Variants in TECTB observed in about 807,000 individuals in gnomAD.
TECTB encodes the protein beta-tectorin.
Under a neutral mutation model 43.3 loss-of-function variants are expected in TECTB, and 45 were observed. The ratio of observed to expected loss-of-function variants is 1.04; its 90% CI spans 0.82 to 1.33. The LOEUF is 1.33. Ranked by LOEUF, TECTB falls within the 40% of genes most tolerant of loss-of-function variation. The probability of loss-of-function intolerance (pLI) is 0.00; values close to 1 mark genes in which losing one functional copy is unlikely to be tolerated. For synonymous variants in TECTB, 169 were observed against 156.7 expected (o/e 1.08, Z -0.59); for missense variants, 399 against 404.7 (o/e 0.99, Z 0.12).
At chr10:112,283,517 C>T in intron 1 of TECTB, 21 bp downstream of exon 1, 1 of 539,242 alleles carries the variant, frequency 1.9e-6, no homozygotes, top group Non-Finnish European at 3.3e-6. Flanking sequence ...CACTTTTTGC[C>T]TCTCAGCGCT....
rs528436073 is a variant in TECTB, at chr10:112,288,043, C to T, written c.483+1652C>T. Among the ~76,000 whole-genome samples, 540 of 152,318 alleles carry T rather than the reference C, an allele frequency of 3.5e-3. 3 individuals are homozygous for T. Among genetic ancestry groups the T allele is most frequent in the African/African-American group, 0.013 (524 of 41,566 alleles). ...TGATGATAAGGTGGTGAAACCACTA[C>T]AGTCAGTGATGAAAGCCGTCCGGAG... On this transcript the variant is annotated intron_variant, in intron 5 of 10. Transcript: ENST00000646139.
At chr10:112,292,044 A>G (rs373252984) in intron 5 of TECTB, among the ~76,000 whole-genome samples, 1 of 152,100 alleles carries the variant, frequency 6.6e-6, no homozygotes, top group African/African-American at 2.4e-5. Context: ...GCTGAGGCAG[A>G]AGAATGGCGT....
In TECTB at chr10:112,299,569, GCGTCTCTGTTTTCCT is replaced by G; in HGVS notation, c.907+7_907+21del. ...TCGTGGAGCTCTCCCTGCGGAGTAA[GCGTCTCTGTTTTCCT>G]CTGTTTTCCAAACGGTTGAGTTCAC... is the stretch of plus-strand genomic sequence containing the variant. On this transcript the variant is annotated splice_donor_region_variant and intron_variant, in intron 9 of 10. Transcript: ENST00000646139. The G allele has an allele frequency of 6.4e-7, 1 of 1,556,534 alleles. No individual in the cohort carries two copies. Among genetic ancestry groups the G allele is most frequent in the Non-Finnish European group, 8.6e-7 (1 of 1,157,108 alleles).
intron 5 of TECTB, among the ~76,000 whole-genome samples, chr10:112,291,430 A>C (rs1462812459): frequency 6.6e-6 from 1 of 152,210 alleles, no homozygotes; most frequent in Non-Finnish European, 1.5e-5. Flanking sequence ...TATTACAAAG[A>C]CACATGCATG....
intron 5 of TECTB, among the ~76,000 whole-genome samples, chr10:112,290,193 C>T (rs1466476181): frequency 6.6e-6 from 1 of 152,232 alleles, no homozygotes; most frequent in African/African-American, 2.4e-5. Flanking sequence ...AGAATATCCA[C>T]ACTGTAGACA....
chr10:112,298,209 G>A lies in TECTB; in HGVS notation c.812G>A (p.Ser271Asn), dbSNP rs1848565939. The change falls in exon 8 of 11, where the codon AGT becomes AAT. Residue 271 changes from serine (S) to asparagine (N), a missense_variant. Physicochemically the swap from Ser to Asn is conservative, Grantham distance 46. Transcript: ENST00000646139. Reference protein sequence around the residue: ...WLHCETFICDSEKLSCPVTCD... With the variant: ...WLHCETFICDNEKLSCPVTCD... ...CACTGTGAGACGTTCATCTGCGACA[G>A]TGAGAAACTCTCCTGCCCAGTGGTG... 1 of 1,614,132 alleles carries A rather than the reference G, an allele frequency of 6.2e-7. No individual in the cohort carries two copies. The highest frequency in any genetic ancestry group is 8.5e-7 in the Non-Finnish European group (1 of 1,179,996).
chr10:112,294,738 C>G (rs1848530570), intron 7 of TECTB, among the ~76,000 whole-genome samples: 1 of 152,032 alleles, frequency 6.6e-6, no homozygotes, highest in Non-Finnish European at 1.5e-5. Context: ...AGCTATTGTG[C>G]AAGGGTGATA....
chr10:112,298,443 A>G (rs1028535335), intron 8 of TECTB, among the ~76,000 whole-genome samples: 1 of 152,214 alleles, frequency 6.6e-6, no homozygotes, highest in Non-Finnish European at 1.5e-5. Context: ...ATGGTCTGGC[A>G]TGTGTCGCCT....
chr10:112,299,345 G>T (rs1337192830), intron 8 of TECTB, 147 bp from the exon 9 acceptor site: 2 of 670,162 alleles, frequency 3.0e-6, no homozygotes, highest in East Asian at 2.7e-5. Flanking sequence ...TTTTTAAAAA[G>T]GTAACTCATC....
At chr10:112,295,316 C>T (rs34219545) in intron 7 of TECTB, among the ~76,000 whole-genome samples, 1,571 of 152,280 alleles carry the variant, frequency 0.01, 19 homozygotes, top group Non-Finnish European at 0.017. Context: ...TTACAATATA[C>T]CAAACATTGT....
intron 10 of TECTB, 30 bp from the exon 11 acceptor site, chr10:112,303,233 G>A: frequency 1.2e-6 from 2 of 1,613,822 alleles, no homozygotes; most frequent in Non-Finnish European, 1.7e-6. Flanking sequence ...CTGTCTCTGA[G>A]TGCCATCTCC....
At chr10:112,302,529 A>AC (rs1267014657) in intron 10 of TECTB, 8 of 405,376 alleles carry the variant, frequency 2.0e-5, no homozygotes, top group Non-Finnish European at 3.5e-5. Context: ...CAATGACCTC[A>AC]CCCCTCCTCC....
At chr10:112,299,404 A>T in intron 8 of TECTB, 88 bp from the exon 9 acceptor site, 1 of 1,332,748 alleles carries the variant, frequency 7.5e-7, no homozygotes, top group Non-Finnish European at 1.1e-6. Context: ...ACCTTTTTAA[A>T]ATATCTTTTC....
At chr10:112,298,966 T>C (rs145518640) in intron 8 of TECTB, among the ~76,000 whole-genome samples, 1 of 152,366 alleles carries the variant, frequency 6.6e-6, no homozygotes, top group East Asian at 1.9e-4. Flanking sequence ...TCTATTGCTG[T>C]TGTTTCATTT....
intron 9 of TECTB, among the ~76,000 whole-genome samples, chr10:112,300,973 G>A (rs781344197): frequency 3.9e-5 from 6 of 152,262 alleles, no homozygotes; most frequent in African/African-American, 1.2e-4. Context: ...AAGCTGTAGC[G>A]GCTCTATCTT....
chr10:112,299,743 G>A (rs1011584399), intron 9 of TECTB, 179 bp downstream of exon 9: 13 of 614,118 alleles, frequency 2.1e-5, no homozygotes, highest in South Asian at 1.9e-4. Flanking sequence ...CAAGCCAAAC[G>A]AAGGAGTTGA....
At chr10:112,294,488 T>A (rs1351540412) in intron 7 of TECTB, among the ~76,000 whole-genome samples, 1 of 152,200 alleles carries the variant, frequency 6.6e-6, no homozygotes, top group African/African-American at 2.4e-5. Context: ...TGATGATGAC[T>A]AAATTAAATA....
At chr10:112,290,699 A>C (rs1848492295) in intron 5 of TECTB, among the ~76,000 whole-genome samples, 1 of 152,236 alleles carries the variant, frequency 6.6e-6, no homozygotes, top group Admixed American at 6.5e-5. Context: ...GAACATAACA[A>C]GGAACATTAA....
Position 112,294,019 on chromosome 10 carries a change from CT to C in TECTB, c.630del (p.Asp211ThrfsTer10), listed in dbSNP as rs1473465066. The C allele has an allele frequency of 6.2e-7, 1 of 1,614,210 alleles. No individual in the cohort carries two copies. On this transcript the variant is annotated frameshift_variant, in exon 7 of 11. Transcript: ENST00000646139. LOFTEE classifies it high-confidence loss of function. ...AACAGCTGTTGGGCCACCCCCTCGG[CT>C]GACTTCATGTATCCCTTGCAGTGGC... is the stretch of plus-strand genomic sequence containing the variant. ...VLNSCWATPS[A>X]DFMYPLQWQL...
Sources: gnomAD v4.1 joint callset for allele counts (sites outside exome capture counted in the v4.1 genomes callset) on GRCh38, gnomAD v4.1.1 for gene constraint, MANE v1.5 for transcripts, NCBI Gene and HGNC (gene_info 2026-07-23, HGNC 2026-07-21) for gene names.